The following MYLK variants were observed in gnomAD, a reference collection of about 807,000 sequenced individuals.
MYLK encodes the protein myosin light chain kinase, also known as myosin light chain kinase, smooth muscle.
MYLK carries 106 observed loss-of-function variants against 203.4 expected under a neutral mutation model. The observed-to-expected ratio is 0.52, with a 90% confidence interval of 0.45 to 0.61. The LOEUF (loss-of-function observed/expected upper bound fraction) is 0.61, where lower values mean the gene tolerates loss of function less well. Ranked by LOEUF, MYLK falls within the 20% of genes least tolerant of loss-of-function variation. MYLK has a pLI of 0.00. For synonymous variants in MYLK, 867 were observed against 959.5 expected (o/e 0.90, Z 1.78); for missense variants, 2,072 against 2,442.3 (o/e 0.85, Z 3.20).
intron 31 of MYLK, among the ~76,000 whole-genome samples, chr3:123,626,021 T>C (rs1315112630): frequency 6.6e-6 from 1 of 152,192 alleles, no homozygotes; most frequent in Admixed American, 6.5e-5. Context: ...AGCTGTGTGA[T>C]CCTGGATGGC....
Position 123,613,005 on chromosome 3 carries a change from T to C in MYLK, c.*1100A>G, listed in dbSNP as rs1016487084. 3.9e-5 allele frequency: 6 copies of C among 152,580 alleles called. No individual in the cohort carries two copies. Among genetic ancestry groups the C allele is most frequent in the African/African-American group, 1.4e-4 (6 of 41,438 alleles). 9.5% of individuals were successfully genotyped at this position (152,580 alleles called of 1,614,324 possible). A position where few individuals can be genotyped will look rare whatever the true frequency, so the allele number is the denominator to read the frequency against. The stretch of plus-strand genomic sequence containing the variant: ...AGTGCATTTACCAGGTCTAAGAATA[T>C]ATTTAAAGGTTGGGGGCAAGGCATG... On this transcript the variant is annotated 3_prime_UTR_variant, in exon 34 of 34. Transcript: ENST00000360304.
chr3:123,767,899 A>T (rs1291012497), intron 4 of MYLK, among the ~76,000 whole-genome samples: 3 of 152,130 alleles, frequency 2.0e-5, no homozygotes, highest in Non-Finnish European at 4.4e-5. Context: ...TCGGGTTAGG[A>T]ATTGGAAGGG....
intron 19 of MYLK, chr3:123,692,144 C>T (rs761566327): frequency 4.3e-6 from 1 of 230,184 alleles, no homozygotes; most frequent in African/African-American, 2.3e-5. Flanking sequence ...AACACAGAAA[C>T]TCCGCTAAGA....
At chr3:123,705,666 G>A (rs1275902762) in intron 16 of MYLK, among the ~76,000 whole-genome samples, 4 of 152,046 alleles carry the variant, frequency 2.6e-5, no homozygotes, top group Non-Finnish European at 4.4e-5. Flanking sequence ...TCTGCCTGCC[G>A]ACCTCCTGGT....
chr3:123,769,592 T>C (rs981794579), intron 4 of MYLK, among the ~76,000 whole-genome samples: 4 of 152,222 alleles, frequency 2.6e-5, no homozygotes, highest in Admixed American at 6.5e-5. Context: ...GACACCTTTG[T>C]TGATTTCCCA....
chr3:123,761,553 C>G (rs1700913346), intron 4 of MYLK, among the ~76,000 whole-genome samples: 2 of 152,172 alleles, frequency 1.3e-5, no homozygotes, highest in South Asian at 4.1e-4. Context: ...AAGTGGCAGA[C>G]AGCAGCCTCA....
rs766379079 is a variant in MYLK at position 123,737,568 on chromosome 3, G to A, written c.589-25C>T. 11 of 1,613,636 alleles carry A rather than the reference G, an allele frequency of 6.8e-6. No homozygotes were observed. In the Admixed American group the frequency reaches 1.0e-4, roughly 15 times the overall value. On this transcript the variant is annotated intron_variant, in intron 7 of 33. Coordinates refer to ENST00000360304, the MANE Select transcript of MYLK (RefSeq NM_053025.4). ...CCTGTGGATGGCAATGGGGTAACTT[G>A]GTCATACAAATCTGCTCACCTTCTG... is the stretch of plus-strand genomic sequence containing the variant.
chr3:123,788,200 T>A (rs554664835), intron 4 of MYLK, among the ~76,000 whole-genome samples: 1 of 152,292 alleles, frequency 6.6e-6, no homozygotes, highest in African/African-American at 2.4e-5. Flanking sequence ...CCCAGCCTCA[T>A]CTTAATCTCT....
intron 13 of MYLK, among the ~76,000 whole-genome samples, chr3:123,713,628 T>C (rs1021863605): frequency 3.7e-4 from 54 of 145,510 alleles, no homozygotes; most frequent in Non-Finnish European, 6.9e-4. Flanking sequence ...TGTGTGTGTG[T>C]GTATTGCAAT....
intron 2 of MYLK, among the ~76,000 whole-genome samples, chr3:123,843,469 A>C (rs533869277): frequency 1.3e-5 from 2 of 152,160 alleles, no homozygotes; most frequent in Non-Finnish European, 2.9e-5. Context: ...AGCTTGCTTC[A>C]AACAGATTCA....
chr3:123,883,124 A>G (rs2033646687), intron 1 of MYLK, among the ~76,000 whole-genome samples: 1 of 152,174 alleles, frequency 6.6e-6, no homozygotes, highest in Admixed American at 6.5e-5. Context: ...ATTTTGACAA[A>G]AAGTATTCCA....
intron 20 of MYLK, among the ~76,000 whole-genome samples, chr3:123,671,502 G>T (rs1241834672): frequency 2.0e-5 from 3 of 152,194 alleles, no homozygotes; most frequent in African/African-American, 7.2e-5. Context: ...GTAGAGGACA[G>T]ATGCTGGGAA....
intron 4 of MYLK, among the ~76,000 whole-genome samples, chr3:123,774,278 C>A (rs2063984236): frequency 6.6e-6 from 1 of 152,188 alleles, no homozygotes; most frequent in African/African-American, 2.4e-5. Context: ...AAGCAACCTA[C>A]AAGCAGGTCA....
chr3:123,883,035 T>C (rs1386221724), intron 1 of MYLK, among the ~76,000 whole-genome samples: 1 of 152,252 alleles, frequency 6.6e-6, no homozygotes, highest in East Asian at 1.9e-4. Flanking sequence ...TGTTGATTCC[T>C]GATTCTTTGA....
Position 123,629,544 on chromosome 3 carries a change from C to T in MYLK, c.5044G>A (p.Asp1682Asn), listed in dbSNP as rs140456660. Residue 1682 changes from aspartate (D) to asparagine (N), a missense_variant, in exon 30 of 34, where the codon GAC becomes AAC. Transcript: ENST00000360304. The surrounding 1 kb of genome is among the most constrained non-coding windows in gnomAD (Gnocchi z 4.4). Reference protein sequence around the residue: ...NVTSATWDFDDEAFDEISDDA... With the variant: ...NVTSATWDFDNEAFDEISDDA... ...TCGGAGATCTCATCGAATGCCTCGT[C>T]GTCGAAGTCCCAGGTGGCTGAGGTA... is the stretch of plus-strand genomic sequence containing the variant. 2.2e-5 allele frequency: 36 copies of T among 1,614,056 alleles called. No individual in the cohort carries two copies. Among genetic ancestry groups the T allele is most frequent in the Middle Eastern group, 1.6e-4 (1 of 6,082 alleles).
At chr3:123,662,745 T>C (rs2059605575) in intron 23 of MYLK, among the ~76,000 whole-genome samples, 1 of 152,152 alleles carries the variant, frequency 6.6e-6, no homozygotes, top group African/African-American at 2.4e-5. Context: ...CAGGAAAGGC[T>C]AGTTTGCAGG....
At chr3:123,682,562 G>A (rs192362465) in intron 19 of MYLK, among the ~76,000 whole-genome samples, 21 of 152,332 alleles carry the variant, frequency 1.4e-4, no homozygotes, top group African/African-American at 2.4e-4. Flanking sequence ...CAAGATGAGC[G>A]CACAGGCTGC....
In MYLK at chr3:123,802,962, C is replaced by G. The variant is rs1021070631; in HGVS notation, c.-3-9118G>C. Among the ~76,000 whole-genome samples the G allele has an allele frequency of 1.3e-5, 2 of 151,786 alleles. 1 individual carries two copies. Among genetic ancestry groups the G allele is most frequent in the South Asian group, 4.2e-4 (2 of 4,808 alleles). ...CTTCTCAAATACCATGCCCCCCACT[C>G]CATTCTGCCAAGCAGAACTGTGCCT... On this transcript the variant is annotated intron_variant, in intron 3 of 33. Transcript: ENST00000360304.
intron 13 of MYLK, among the ~76,000 whole-genome samples, chr3:123,721,217 G>A (rs1329707529): frequency 1.3e-5 from 2 of 152,228 alleles, no homozygotes; most frequent in Non-Finnish European, 2.9e-5. Context: ...ACACGGAGAT[G>A]TTCCTGACAG....
Sources: gnomAD v4.1 joint callset for allele counts (sites outside exome capture counted in the v4.1 genomes callset) on GRCh38, gnomAD v4.1.1 for gene constraint, Gnocchi (gnomAD v3.1) non-coding constraint, MANE v1.5 for transcripts, NCBI Gene and HGNC (gene_info 2026-07-23, HGNC 2026-07-21) for gene names.